The following XKR6 variants were observed in gnomAD, a reference collection of about 807,000 sequenced individuals.
XKR6 encodes the protein XK related 6.
Under a neutral mutation model 56.7 loss-of-function variants are expected in XKR6, and 22 were observed. The observed-to-expected ratio is 0.39, with a 90% CI of 0.28 to 0.55. The LOEUF (loss-of-function observed/expected upper bound fraction) is 0.55, where lower values mean the gene tolerates loss of function less well. Ranked by LOEUF, XKR6 falls within the 20% of genes least tolerant of loss-of-function variation. The pLI, the probability that XKR6 is intolerant of heterozygous loss-of-function variation, is 0.66. For synonymous variants in XKR6, 524 were observed against 387.8 expected (o/e 1.35, Z -4.13); for missense variants, 852 against 889.0 (o/e 0.96, Z 0.53).
At chr8:11,122,282 T>C (rs1161544134) in intron 1 of XKR6, among the ~76,000 whole-genome samples, 1 of 152,232 alleles carries the variant, frequency 6.6e-6, no homozygotes, top group East Asian at 1.9e-4. Flanking sequence ...GATCAGTCTC[T>C]AGGAAGGAGG....
chr8:11,128,526 C>G (rs984715829), intron 1 of XKR6, among the ~76,000 whole-genome samples: 2 of 152,174 alleles, frequency 1.3e-5, no homozygotes, highest in South Asian at 4.1e-4. Flanking sequence ...AGTAGTACAT[C>G]TCATTAAGTG....
chr8:11,074,341 G>A (rs1034758618), intron 1 of XKR6, among the ~76,000 whole-genome samples: 5 of 152,156 alleles, frequency 3.3e-5, no homozygotes, highest in African/African-American at 1.2e-4. Flanking sequence ...CCACTGCCAG[G>A]TCACTGTGGT....
intron 1 of XKR6, among the ~76,000 whole-genome samples, chr8:11,181,533 T>C (rs915562442): frequency 1.3e-5 from 2 of 152,228 alleles, no homozygotes; most frequent in Non-Finnish European, 2.9e-5. Context: ...TGCTTTAACA[T>C]TGTTAGACCT....
At chr8:11,176,620 G>C (rs1257335882) in intron 1 of XKR6, among the ~76,000 whole-genome samples, 4 of 151,962 alleles carry the variant, frequency 2.6e-5, no homozygotes, top group Non-Finnish European at 4.4e-5. Flanking sequence ...AAAATTTTAA[G>C]ACTACTCAAG....
At chr8:11,038,112 C>G (rs79788420) in intron 1 of XKR6, among the ~76,000 whole-genome samples, 8,447 of 151,610 alleles carry the variant, frequency 0.056, 694 homozygotes, top group African/African-American at 0.19. Flanking sequence ...TTTCAAATTT[C>G]TGTGTCATCG....
chr8:10,966,745 A>T (rs1477993757), intron 1 of XKR6, among the ~76,000 whole-genome samples: 1 of 152,192 alleles, frequency 6.6e-6, no homozygotes, highest in African/African-American at 2.4e-5. Context: ...AGACCTCTAG[A>T]ATAGGGTCTC....
intron 1 of XKR6, among the ~76,000 whole-genome samples, chr8:11,009,263 C>G (rs1376672623): frequency 6.6e-6 from 1 of 152,204 alleles, no homozygotes; most frequent in African/African-American, 2.4e-5. Flanking sequence ...GTAATCCCAG[C>G]AATTTGGGAG....
chr8:11,030,029 T>C (rs572470874), intron 1 of XKR6, among the ~76,000 whole-genome samples: 30 of 152,194 alleles, frequency 2.0e-4, no homozygotes, highest in African/African-American at 7.0e-4. Flanking sequence ...CACAACCCGC[T>C]ATGGCTCCCT....
At chr8:10,916,971 T>A (rs1368784350) in intron 2 of XKR6, among the ~76,000 whole-genome samples, 1 of 152,070 alleles carries the variant, frequency 6.6e-6, no homozygotes, top group Non-Finnish European at 1.5e-5. Context: ...GACACAAAGA[T>A]CCCTAATTGT....
At chr8:10,993,319 C>T (rs936668908) in intron 1 of XKR6, among the ~76,000 whole-genome samples, 4 of 152,168 alleles carry the variant, frequency 2.6e-5, no homozygotes, top group African/African-American at 9.7e-5. Flanking sequence ...AGTCAGGAAG[C>T]CAAGGGGACG....
chr8:11,168,020 T>C (rs866625065), intron 1 of XKR6, among the ~76,000 whole-genome samples: 7 of 150,300 alleles, frequency 4.7e-5, no homozygotes, highest in Middle Eastern at 3.3e-3. Flanking sequence ...GAAAAGTCAC[T>C]TGACAAAAAA....
At chr8:11,146,516 C>G (rs999082960) in intron 1 of XKR6, among the ~76,000 whole-genome samples, 1 of 151,548 alleles carries the variant, frequency 6.6e-6, no homozygotes, top group Non-Finnish European at 1.5e-5. Context: ...GTATTCCCAG[C>G]TATGTGGAAA....
At chr8:10,950,270 C>T (rs947126408) in intron 1 of XKR6, among the ~76,000 whole-genome samples, 10 of 152,238 alleles carry the variant, frequency 6.6e-5, no homozygotes, top group Non-Finnish European at 1.2e-4. Flanking sequence ...TCCCAGCCCC[C>T]GGCCTCCTCT....
intron 1 of XKR6, among the ~76,000 whole-genome samples, chr8:11,142,759 A>G (rs1800772046): frequency 6.6e-6 from 1 of 152,140 alleles, no homozygotes; most frequent in Non-Finnish European, 1.5e-5. Context: ...TCTTTTCTTT[A>G]GAAATACCCC....
intron 1 of XKR6, among the ~76,000 whole-genome samples, chr8:11,125,088 C>CA (rs534903006): frequency 0.056 from 4,360 of 77,300 alleles, 95 homozygotes; most frequent in Non-Finnish European, 0.063. Context: ...GACTCTGTCT[C>CA]AAAAAAAAAA....
At chr8:11,080,274 G>C (rs1449744242) in intron 1 of XKR6, among the ~76,000 whole-genome samples, 2 of 151,988 alleles carry the variant, frequency 1.3e-5, no homozygotes, top group Admixed American at 1.3e-4. Flanking sequence ...AACGAACACA[G>C]AGAGATCTCT....
At chr8:10,982,571 C>T (rs528249044) in intron 1 of XKR6, among the ~76,000 whole-genome samples, 240 of 152,238 alleles carry the variant, frequency 1.6e-3, no homozygotes, top group Middle Eastern at 3.4e-3. Flanking sequence ...TAAGGGAAAA[C>T]GGGAGAAATG....
chr8:11,035,185 G>T (rs1474785050), intron 1 of XKR6: 1 of 534,638 alleles, frequency 1.9e-6, no homozygotes, highest in Non-Finnish European at 3.8e-6. Flanking sequence ...CCCAGCGTGG[G>T]TGCAAGCTAT....
intron 1 of XKR6, among the ~76,000 whole-genome samples, chr8:11,001,821 C>G (rs571603821): frequency 6.6e-6 from 1 of 152,180 alleles, no homozygotes; most frequent in Non-Finnish European, 1.5e-5. Context: ...AGCTCACTGC[C>G]GGTCAGGGGC....
Sources: allele counts gnomAD v4.1 joint callset (sites outside exome capture counted in the v4.1 genomes callset), GRCh38; gene constraint gnomAD v4.1.1; transcripts MANE v1.5; gene names NCBI Gene and HGNC (gene_info 2026-07-23, HGNC 2026-07-21).